The following COL22A1 variants were observed in gnomAD, a reference collection of about 807,000 sequenced individuals.
COL22A1 encodes the protein collagen alpha-1(XXII) chain.
A neutral mutation model predicts 248.9 loss-of-function variants in COL22A1; 221 were observed. That is an observed-to-expected ratio of 0.89 (90% CI 0.80 to 0.99). The LOEUF (loss-of-function observed/expected upper bound fraction) is 0.99, where lower values mean the gene tolerates loss of function less well. Among genes scored for constraint, COL22A1 ranks in the 50% least tolerant of loss-of-function variants. The probability of loss-of-function intolerance (pLI) is 0.00; values close to 1 mark genes in which losing one functional copy is unlikely to be tolerated. For missense variants in COL22A1, 2,240 were observed against 2,179.0 expected, an observed-to-expected ratio of 1.03 and a Z score of -0.56; for synonymous variants, 891 against 793.4, an observed-to-expected ratio of 1.12 and a Z score of -2.07.
chr8:138,773,039 TA>T, intron 16 of COL22A1, among the ~76,000 whole-genome samples: 1 of 152,286 alleles, frequency 6.6e-6, no homozygotes, highest in African/African-American at 2.4e-5. Context: ...GCCCCCCAGT[TA>T]AAAAATATAT....
chr8:138,790,093 A>G (rs1815893853), intron 12 of COL22A1, among the ~76,000 whole-genome samples: 1 of 152,206 alleles, frequency 6.6e-6, no homozygotes, highest in Admixed American at 6.5e-5. Flanking sequence ...TTTTGGGGCT[A>G]CCATAAACTG....
In COL22A1 at chr8:138,607,956, GCT is replaced by G. The variant is rs1564090524; in HGVS notation, c.4010_4011del (p.Glu1337AlafsTer66). The G allele has an allele frequency of 3.1e-6, 5 of 1,614,102 alleles. No homozygotes were observed. The highest frequency in any genetic ancestry group is 4.2e-6 in the Non-Finnish European group (5 of 1,180,002). On this transcript the variant is annotated frameshift_variant, in exon 57 of 65. Transcript: ENST00000303045. LOFTEE classifies it high-confidence loss of function. ...GKNGSPGSPG[E>X]PGPSGTPGQK... ...CTCACAGGGGTTCCTGAAGGGCCAG[GCT>G]CTCCTGGAGATCCCGGTGATCCATT...
intron 22 of COL22A1, among the ~76,000 whole-genome samples, chr8:138,742,997 A>G (rs573236976): frequency 1.4e-5 from 2 of 145,824 alleles, no homozygotes; most frequent in Non-Finnish European, 3.0e-5. Flanking sequence ...GGTGGAGTTG[A>G]TGATGATGGT....
At chr8:138,640,928 C>G (rs1447864713) in intron 47 of COL22A1, among the ~76,000 whole-genome samples, 1 of 152,178 alleles carries the variant, frequency 6.6e-6, no homozygotes, top group Non-Finnish European at 1.5e-5. Context: ...CACTGGCTTC[C>G]AAAGCCCAGG....
intron 45 of COL22A1, among the ~76,000 whole-genome samples, chr8:138,650,717 G>C (rs531893206): frequency 8.6e-6 from 1 of 116,366 alleles, no homozygotes; most frequent in South Asian, 2.7e-4. Flanking sequence ...TAGATAGATA[G>C]ACAGATAGAC....
intron 56 of COL22A1, 51 bp from the exon 57 acceptor site, chr8:138,608,040 A>G: frequency 6.4e-7 from 1 of 1,570,050 alleles, no homozygotes; most frequent in African/African-American, 1.3e-5. Context: ...AAAGAGCAGG[A>G]CGGTGGAACA....
chr8:138,628,371 G>A (rs1820421872), intron 50 of COL22A1, among the ~76,000 whole-genome samples: 1 of 151,796 alleles, frequency 6.6e-6, no homozygotes, highest in Non-Finnish European at 1.5e-5. Context: ...AGGAACACTT[G>A]AGGTCAGGAG....
At chr8:138,670,612 A>G (rs369290859) in intron 41 of COL22A1, among the ~76,000 whole-genome samples, 57 of 152,122 alleles carry the variant, frequency 3.7e-4, no homozygotes, top group African/African-American at 1.4e-3. Context: ...AAGAAAAAAA[A>G]CCACACAGGC....
At chr8:138,607,592 G>C (rs1373696408) in intron 57 of COL22A1, among the ~76,000 whole-genome samples, 1 of 150,748 alleles carries the variant, frequency 6.6e-6, no homozygotes, top group Admixed American at 6.6e-5. Context: ...AGGTGGTAAG[G>C]GTTGCTCAGT....
intron 4 of COL22A1, among the ~76,000 whole-genome samples, chr8:138,840,204 C>T (rs1044532635): frequency 3.3e-5 from 5 of 152,188 alleles, no homozygotes; most frequent in Non-Finnish European, 4.4e-5. Flanking sequence ...CTCTCCACAA[C>T]TCCCTCTTCA....
chr8:138,734,547 A>C (rs1830965501), intron 23 of COL22A1, among the ~76,000 whole-genome samples: 1 of 152,208 alleles, frequency 6.6e-6, no homozygotes, highest in Middle Eastern at 3.2e-3. Context: ...CTGGCCGTGG[A>C]GAAACAGGAA....
chr8:138,722,858 G>GCT (rs1421621280), intron 25 of COL22A1, among the ~76,000 whole-genome samples: 1 of 108,752 alleles, frequency 9.2e-6, no homozygotes, highest in Non-Finnish European at 2.0e-5. Context: ...GGCGGGGGGG[G>GCT]GGTGGTGGAA....
At chr8:138,630,868 G>A (rs933131992) in intron 49 of COL22A1, 120 bp from the exon 50 acceptor site, 3 of 866,646 alleles carry the variant, frequency 3.5e-6, no homozygotes, top group African/African-American at 3.3e-5. Flanking sequence ...CAAATCTCAT[G>A]TTGAAATGTG....
intron 3 of COL22A1, among the ~76,000 whole-genome samples, chr8:138,864,287 G>A (rs188514966): frequency 6.6e-6 from 1 of 152,142 alleles, no homozygotes; most frequent in African/African-American, 2.4e-5. Context: ...GGGCCCAGGG[G>A]GCTTTAAGGG....
chr8:138,773,391 C>G (rs559999452), intron 16 of COL22A1, among the ~76,000 whole-genome samples: 1 of 152,230 alleles, frequency 6.6e-6, no homozygotes. Context: ...CCTTCAAATA[C>G]GGCTGTCTCT....
At chr8:138,691,408 T>G (rs1020040027) in intron 35 of COL22A1, among the ~76,000 whole-genome samples, 1 of 151,630 alleles carries the variant, frequency 6.6e-6, no homozygotes, top group East Asian at 1.9e-4. Context: ...GGTATGTGTA[T>G]GTGTGCACGT....
At chr8:138,714,119 G>T (rs559919340) in intron 30 of COL22A1, among the ~76,000 whole-genome samples, 2 of 152,156 alleles carry the variant, frequency 1.3e-5, no homozygotes, top group Non-Finnish European at 2.9e-5. Flanking sequence ...GAACCTGCCC[G>T]CATGTTGCCA....
At chr8:138,851,277 TA>T (rs1821628408) in intron 3 of COL22A1, among the ~76,000 whole-genome samples, 1 of 152,194 alleles carries the variant, frequency 6.6e-6, no homozygotes, top group South Asian at 2.1e-4. Flanking sequence ...GGGAAAAGCC[TA>T]AGCCTGGAGA....
intron 9 of COL22A1, among the ~76,000 whole-genome samples, chr8:138,809,931 T>C (rs1450620199): frequency 2.0e-5 from 3 of 152,200 alleles, no homozygotes; most frequent in African/African-American, 7.2e-5. Flanking sequence ...TAGCTGAAAA[T>C]ACAGACATGG....
Sources: allele counts gnomAD v4.1 joint callset (sites outside exome capture counted in the v4.1 genomes callset), GRCh38; gene constraint gnomAD v4.1.1; transcripts MANE v1.5; gene names NCBI Gene and HGNC (gene_info 2026-07-23, HGNC 2026-07-21).